ADGRF5: variants seen among roughly 807,000 people sequenced by gnomAD.
ADGRF5 encodes the protein G-protein coupled receptor 116.
Under a neutral mutation model 132.3 loss-of-function variants are expected in ADGRF5, and 75 were observed. That is an observed-to-expected ratio of 0.57 (90% CI 0.47 to 0.69). ADGRF5 has a LOEUF of 0.69. Among genes scored for constraint, ADGRF5 ranks in the 30% least tolerant of loss-of-function variants. ADGRF5 has a pLI of 0.00. For synonymous variants in ADGRF5, 629 were observed against 597.6 expected (o/e 1.05, Z -0.77); for missense variants, 1,516 against 1,630.6 (o/e 0.93, Z 1.21).
At chr6:46,858,086 C>T (rs1769263624) in intron 17 of ADGRF5, 43 bp downstream of exon 17, 4 of 1,418,580 alleles carry the variant, frequency 2.8e-6, no homozygotes, top group African/African-American at 1.4e-5. Context: ...ATTTGTCCTA[C>T]AGGAATAAAA....
At chr6:46,876,434 C>T (rs1771666306) in intron 10 of ADGRF5, among the ~76,000 whole-genome samples, 1 of 152,208 alleles carries the variant, frequency 6.6e-6, no homozygotes, top group Non-Finnish European at 1.5e-5. Context: ...ACCTACACCT[C>T]CTCTTCCTTA....
intron 13 of ADGRF5, among the ~76,000 whole-genome samples, chr6:46,866,714 C>T (rs1386852162): frequency 2.6e-5 from 4 of 151,966 alleles, no homozygotes; most frequent in Non-Finnish European, 4.4e-5. Context: ...AAAAAGGCTC[C>T]ACCATTGCAA....
At chr6:46,895,262 C>T (rs1774052113) in intron 3 of ADGRF5, among the ~76,000 whole-genome samples, 1 of 151,956 alleles carries the variant, frequency 6.6e-6, no homozygotes, top group South Asian at 2.1e-4. Context: ...AAACATTAAT[C>T]AGAAAAATTT....
At chr6:46,891,655 C>T (rs542608084) in intron 3 of ADGRF5, among the ~76,000 whole-genome samples, 70 of 152,324 alleles carry the variant, frequency 4.6e-4, no homozygotes, top group African/African-American at 1.7e-3. Context: ...GTCATGTCTG[C>T]CCCTGTGCTC....
At chr6:46,866,813 A>G (rs1261878979) in intron 13 of ADGRF5, 112 bp downstream of exon 13, 2 of 650,678 alleles carry the variant, frequency 3.1e-6, no homozygotes. Context: ...TACTCTGTTA[A>G]TTCTATCTCT....
At chr6:46,857,376 T>G (rs373369606) in intron 17 of ADGRF5, among the ~76,000 whole-genome samples, 92 of 152,266 alleles carry the variant, frequency 6.0e-4, no homozygotes, top group African/African-American at 2.0e-3. Flanking sequence ...GTATCTCGAG[T>G]GTGCCTCCAG....
chr6:46,881,087 G>A (rs1266707762), intron 8 of ADGRF5, among the ~76,000 whole-genome samples: 2 of 152,172 alleles, frequency 1.3e-5, no homozygotes, highest in Admixed American at 1.3e-4. Flanking sequence ...ATGACAGAGG[G>A]CTGCACTCTG....
chr6:46,903,957 G>C (rs1775038620), intron 2 of ADGRF5, among the ~76,000 whole-genome samples: 1 of 152,192 alleles, frequency 6.6e-6, no homozygotes, highest in African/African-American at 2.4e-5. Context: ...AACAGACTCA[G>C]GGAAACGAAG....
upstream of ADGRF5, among the ~76,000 whole-genome samples, chr6:46,923,847 C>A (rs771423734): frequency 4.3e-4 from 66 of 152,276 alleles, no homozygotes; most frequent in Non-Finnish European, 7.6e-4. Flanking sequence ...GATGGAGAGA[C>A]CCTGCCCTGT....
intron 1 of ADGRF5, among the ~76,000 whole-genome samples, chr6:46,917,911 T>G (rs756898736): frequency 1.3e-5 from 2 of 152,210 alleles, no homozygotes; most frequent in Non-Finnish European, 2.9e-5. Flanking sequence ...TAAAACAAAT[T>G]CAATCAAAAA....
intron 19 of ADGRF5, among the ~76,000 whole-genome samples, chr6:46,856,274 T>G (rs1257215134): frequency 6.6e-6 from 1 of 152,238 alleles, no homozygotes; most frequent in African/African-American, 2.4e-5. Context: ...CTTCTAGCAT[T>G]TTCTGACATG....
intron 1 of ADGRF5, among the ~76,000 whole-genome samples, chr6:46,947,358 C>A (rs868087760): frequency 2.6e-5 from 4 of 152,202 alleles, no homozygotes; most frequent in Non-Finnish European, 5.9e-5. Flanking sequence ...CATGTCATAA[C>A]ACTGAATGAA....
At chr6:46,953,647 ATG>A (rs536152673) in intron 1 of ADGRF5, among the ~76,000 whole-genome samples, 1,632 of 24,226 alleles carry the variant, frequency 0.067, 139 homozygotes, top group East Asian at 0.21. Context: ...ATATAGATAT[ATG>A]TGTATATATA....
At chr6:46,877,999 C>T (rs955493658) in intron 10 of ADGRF5, among the ~76,000 whole-genome samples, 5 of 152,122 alleles carry the variant, frequency 3.3e-5, no homozygotes, top group Admixed American at 6.5e-5. Flanking sequence ...AACCAAAGCA[C>T]GACACTTGTG....
At chr6:46,942,643 T>C (rs1316749304) in intron 1 of ADGRF5, among the ~76,000 whole-genome samples, 1 of 152,260 alleles carries the variant, frequency 6.6e-6, no homozygotes, top group East Asian at 1.9e-4. Flanking sequence ...CAGAAAATCC[T>C]AAGACTAAGA....
At chr6:46,859,805 C>G (rs1394063930) in intron 16 of ADGRF5, among the ~76,000 whole-genome samples, 13 of 84,662 alleles carry the variant, frequency 1.5e-4, no homozygotes, top group Non-Finnish European at 3.2e-4. Flanking sequence ...AGCAGGCTGG[C>G]AGGGATATTT....
At chr6:46,857,824 A>C (rs1769230811) in intron 17 of ADGRF5, among the ~76,000 whole-genome samples, 2 of 152,226 alleles carry the variant, frequency 1.3e-5, no homozygotes, top group Admixed American at 1.3e-4. Flanking sequence ...TTAGGAGATA[A>C]TAGACTACAT....
intron 1 of ADGRF5, among the ~76,000 whole-genome samples, chr6:46,929,786 T>C (rs1239823915): frequency 1.3e-5 from 2 of 152,032 alleles, no homozygotes; most frequent in South Asian, 2.1e-4. Context: ...CCAGGGCCTA[T>C]ATTCTTCTTA....
Position 46,878,248 on chromosome 6 carries a change from A to G in ADGRF5, c.1194T>C (p.Asn398=), listed in dbSNP as rs1253036156. Residue 398 remains asparagine, a synonymous_variant, in exon 10 of 21, where the codon AAT becomes AAC. Coordinates refer to ENST00000283296, the MANE Select transcript of ADGRF5 (RefSeq NM_001098518.2). ...CCTGCTTCCATTCTACTTTGCTCCA[A>G]TTAACATTACCCTGACTGCAGCAGT... is the stretch of plus-strand genomic sequence containing the variant. The part of the protein sequence containing the change: ...SLNCCSQGNV[N]WSKVEWKQEG... 1.2e-6 allele frequency: 2 copies of G among 1,613,708 alleles called. No individual in the cohort carries two copies. The highest frequency in any genetic ancestry group is 2.2e-5 in the East Asian group (1 of 44,874).
Sources: gnomAD v4.1 joint callset for allele counts (sites outside exome capture counted in the v4.1 genomes callset) on GRCh38, gnomAD v4.1.1 for gene constraint, MANE v1.5 for transcripts, NCBI Gene and HGNC (gene_info 2026-07-23, HGNC 2026-07-21) for gene names.